Variants in AGFG1 observed in about 807,000 individuals in gnomAD.
The protein encoded by AGFG1 is ArfGAP with FG repeats 1, also known as arf-GAP domain and FG repeat-containing protein 1.
Under a neutral mutation model 60.6 loss-of-function variants are expected in AGFG1, and 10 were observed. The observed-to-expected ratio is 0.16, with a 90% CI of 0.10 to 0.28. The LOEUF (loss-of-function observed/expected upper bound fraction) is 0.28. Among genes scored for constraint, AGFG1 ranks in the 10% least tolerant of loss-of-function variants. The pLI is 1.00. For missense variants in AGFG1, 537 were observed against 676.5 expected (o/e 0.79, Z 2.29); for synonymous variants, 247 against 242.9 (o/e 1.02, Z -0.16).
At chr2:227,524,740 AT>A (rs1266938677) in intron 4 of AGFG1, 21 bp from the exon 5 acceptor site, 2 of 1,612,194 alleles carry the variant, frequency 1.2e-6, no homozygotes, top group East Asian at 4.5e-5. Context: ...GAATATCTTT[AT>A]AGTTAATATG....
intron 1 of AGFG1, among the ~76,000 whole-genome samples, chr2:227,490,016 A>G (rs1296092475): frequency 6.6e-6 from 1 of 151,950 alleles, no homozygotes; most frequent in East Asian, 1.9e-4. Context: ...GGGTTTTGCC[A>G]TGTTGCCCAG....
chr2:227,534,142 T>G (rs1692240595), intron 7 of AGFG1, among the ~76,000 whole-genome samples: 1 of 152,082 alleles, frequency 6.6e-6, no homozygotes, highest in South Asian at 2.1e-4. Flanking sequence ...CTTGGTGGGT[T>G]TTTTATATTT....
rs765485957 is a variant in AGFG1, at chr2:227,491,666, A to G, written c.261+26A>G. ...GTAAGTGGTTTTTTTTTTTTTTTGC[A>G]ATTTTTGACTTTTTTGTTGGCAGTC... On this transcript the variant is annotated intron_variant, in intron 2 of 12. Coordinates refer to ENST00000310078, the MANE Select transcript of AGFG1 (RefSeq NM_004504.5). 7 of 1,349,814 alleles carry G rather than the reference A, an allele frequency of 5.2e-6. No individual in the cohort carries two copies. In the East Asian group the frequency reaches 1.5e-4, roughly 28 times the overall value. 83.6% of individuals were successfully genotyped at this position (1,349,814 alleles called of 1,614,324 possible). A position where few individuals can be genotyped will look rare whatever the true frequency, so the allele number is the denominator to read the frequency against.
intron 11 of AGFG1, among the ~76,000 whole-genome samples, chr2:227,553,000 C>CAAAAA (rs5839220): frequency 5.4e-5 from 5 of 92,358 alleles, no homozygotes; most frequent in African/African-American, 9.4e-5. Context: ...AATTCCATCT[C>CAAAAA]AAAAAAAAAA....
chr2:227,551,320 T>TTG (rs1692813032), intron 10 of AGFG1, among the ~76,000 whole-genome samples: 2 of 151,734 alleles, frequency 1.3e-5, no homozygotes, highest in Non-Finnish European at 2.9e-5. Context: ...AGGGTGGGAG[T>TTG]CGTGTGTGTG....
At chr2:227,497,722 TCTTTCTTGTTTTG>T (rs1691017041) in intron 2 of AGFG1, among the ~76,000 whole-genome samples, 1 of 135,434 alleles carries the variant, frequency 7.4e-6, no homozygotes, top group African/African-American at 2.7e-5. Flanking sequence ...CAAATGAGTT[TCTTTCTTGTTTTG>T]TTTTTTTTTT....
chr2:227,526,084 A>G (rs1691980774), intron 5 of AGFG1, among the ~76,000 whole-genome samples: 1 of 152,110 alleles, frequency 6.6e-6, no homozygotes, highest in Admixed American at 6.5e-5. Flanking sequence ...GACTTCATAG[A>G]TTAAAACATT....
chr2:227,507,602 CAAAAAAAAAAAA>C (rs1162277041), intron 2 of AGFG1, among the ~76,000 whole-genome samples: 1 of 61,598 alleles, frequency 1.6e-5, no homozygotes, highest in Non-Finnish European at 3.0e-5. Flanking sequence ...GACTCTGTCT[CAAAAAAAAAAAA>C]AAAAAAAAAA....
Position 227,474,621 on chromosome 2 carries a change from C to T in AGFG1, c.167+2033C>T, listed in dbSNP as rs115738069. 2.1e-3 allele frequency among the ~76,000 whole-genome samples: 323 copies of T among 152,240 alleles called. 2 individuals are homozygous for T. Among genetic ancestry groups the T allele is most frequent in the African/African-American group, 7.6e-3 (314 of 41,534 alleles). On this transcript the variant is annotated intron_variant, in intron 1 of 12. Coordinates refer to ENST00000310078, the MANE Select transcript of AGFG1 (RefSeq NM_004504.5). Reference sequence around the variant, plus strand: ...CCTGGATCTTAACTGTTCTATGGAGCGTGCCTTGTAAGTATGTAAACGTAG... The same window carrying T: ...CCTGGATCTTAACTGTTCTATGGAGTGTGCCTTGTAAGTATGTAAACGTAG...
chr2:227,553,246 C>T (rs1001384834), intron 11 of AGFG1, among the ~76,000 whole-genome samples: 1 of 152,088 alleles, frequency 6.6e-6, no homozygotes, highest in African/African-American at 2.4e-5. Context: ...GCCTATAATC[C>T]CAGCCCTTTG....
intron 1 of AGFG1, among the ~76,000 whole-genome samples, chr2:227,490,756 A>T (rs551171923): frequency 6.6e-6 from 1 of 152,196 alleles, no homozygotes; most frequent in Non-Finnish European, 1.5e-5. Flanking sequence ...AGATAGTTGG[A>T]CAACATGTAA....
chr2:227,496,121 A>AAAATG (rs1553540678), intron 2 of AGFG1, among the ~76,000 whole-genome samples: 2 of 142,974 alleles, frequency 1.4e-5, no homozygotes, highest in African/African-American at 2.6e-5. Context: ...AAAAAAAAAA[A>AAAATG]AAAGAAAAAA....
intron 1 of AGFG1, among the ~76,000 whole-genome samples, chr2:227,489,223 G>GTTTTTTTTTTTTTTTTTTTTTTTTT (rs55762248): frequency 1.3e-5 from 1 of 74,782 alleles, no homozygotes; most frequent in African/African-American, 5.8e-5. Flanking sequence ...AGTTTTGAGA[G>GTTTTTTTTTTTTTTTTTTTTTTTTT]TTTTTTTTTT....
chr2:227,496,097 A>T (rs549559956), intron 2 of AGFG1, among the ~76,000 whole-genome samples: 2 of 143,478 alleles, frequency 1.4e-5, no homozygotes, highest in African/African-American at 5.2e-5. Context: ...TGGGCAACAG[A>T]GTGAGACTGT....
intron 2 of AGFG1, chr2:227,508,709 G>A: frequency 9.2e-6 from 4 of 435,250 alleles, no homozygotes; most frequent in South Asian, 1.7e-5. Flanking sequence ...TTTCTTTTTA[G>A]GAAATAATTC....
intron 5 of AGFG1, among the ~76,000 whole-genome samples, chr2:227,528,452 C>A (rs4972983): frequency 0.54 from 81,754 of 151,934 alleles, 22,464 homozygotes; most frequent in South Asian, 0.68. Context: ...GATTTCCCCC[C>A]TGACCAGATA....
intron 1 of AGFG1, among the ~76,000 whole-genome samples, chr2:227,487,197 A>T (rs1163127411): frequency 6.6e-6 from 1 of 152,192 alleles, no homozygotes; most frequent in East Asian, 1.9e-4. Context: ...CTAAAAATCT[A>T]AATTTTTGGA....
At chr2:227,518,699 T>C (rs1691731917) in intron 2 of AGFG1, among the ~76,000 whole-genome samples, 1 of 152,046 alleles carries the variant, frequency 6.6e-6, no homozygotes, top group Admixed American at 6.6e-5. Flanking sequence ...AATTTTTTTG[T>C]ATTTTTAGTA....
intron 3 of AGFG1, among the ~76,000 whole-genome samples, chr2:227,523,504 A>C (rs1209156220): frequency 6.6e-6 from 1 of 152,194 alleles, no homozygotes; most frequent in African/African-American, 2.4e-5. Flanking sequence ...TTAATATCTT[A>C]GAAAAACCAT....
Sources: gnomAD v4.1 joint callset for allele counts (sites outside exome capture counted in the v4.1 genomes callset) on GRCh38, gnomAD v4.1.1 for gene constraint, MANE v1.5 for transcripts, NCBI Gene and HGNC (gene_info 2026-07-23, HGNC 2026-07-21) for gene names.